EXOC6B: variants seen among roughly 807,000 people sequenced by gnomAD.
EXOC6B encodes exocyst complex component 6B, also known as SEC15 homolog B.
Under a neutral mutation model 113.5 loss-of-function variants are expected in EXOC6B, and 54 were observed. That is an observed-to-expected ratio of 0.48 (90% CI 0.38 to 0.60). The LOEUF is 0.60. Ranked by LOEUF, EXOC6B falls within the 20% of genes least tolerant of loss-of-function variation. EXOC6B has a pLI of 0.00. For missense variants in EXOC6B, 797 were observed against 977.5 expected, an observed-to-expected ratio of 0.82 and a Z score of 2.46; for synonymous variants, 357 against 339.0, an observed-to-expected ratio of 1.05 and a Z score of -0.58.
intron 7 of EXOC6B, among the ~76,000 whole-genome samples, chr2:72,559,948 A>G (rs1003950625): frequency 1.3e-5 from 2 of 152,244 alleles, no homozygotes; most frequent in African/African-American, 4.8e-5. Flanking sequence ...TTGCCACACA[A>G]TATGAATCAC....
intron 20 of EXOC6B, among the ~76,000 whole-genome samples, chr2:72,296,243 T>C (rs1019216565): frequency 2.0e-5 from 3 of 152,174 alleles, no homozygotes; most frequent in Non-Finnish European, 4.4e-5. Flanking sequence ...TGATATAGTA[T>C]GACCTCGCTG....
intron 7 of EXOC6B, among the ~76,000 whole-genome samples, chr2:72,573,635 A>G (rs1704644546): frequency 6.6e-6 from 1 of 152,196 alleles, no homozygotes; most frequent in Non-Finnish European, 1.5e-5. Context: ...AAGAGCTATT[A>G]AGAGTTCTTG....
chr2:72,662,283 T>C (rs967093823), intron 6 of EXOC6B, among the ~76,000 whole-genome samples: 1 of 152,198 alleles, frequency 6.6e-6, no homozygotes, highest in African/African-American at 2.4e-5. Flanking sequence ...AAAAAGTTCT[T>C]AGACATGACA....
chr2:72,704,237 T>C (rs2104654498), intron 6 of EXOC6B, among the ~76,000 whole-genome samples: 1 of 150,270 alleles, frequency 6.7e-6, no homozygotes, highest in Admixed American at 6.6e-5. Context: ...ACTGGGTACA[T>C]AACGAAATGA....
chr2:72,652,223 T>G (rs1185693782), intron 6 of EXOC6B, among the ~76,000 whole-genome samples: 3 of 150,542 alleles, frequency 2.0e-5, no homozygotes, highest in Non-Finnish European at 3.0e-5. Flanking sequence ...TTATACCTAA[T>G]AAACACAGTA....
At chr2:72,332,866 T>C (rs1688486905) in intron 20 of EXOC6B, among the ~76,000 whole-genome samples, 1 of 152,128 alleles carries the variant, frequency 6.6e-6, no homozygotes, top group Admixed American at 6.6e-5. Flanking sequence ...AAATAAGTTC[T>C]GAGAATGACT....
intron 17 of EXOC6B, among the ~76,000 whole-genome samples, chr2:72,472,762 T>G (rs1426693042): frequency 2.6e-5 from 4 of 152,126 alleles, no homozygotes; most frequent in Admixed American, 2.6e-4. Flanking sequence ...TTCCTTGAGG[T>G]ATATTGTTAG....
intron 20 of EXOC6B, among the ~76,000 whole-genome samples, chr2:72,190,107 T>C (rs1358283649): frequency 2.7e-5 from 4 of 147,836 alleles, no homozygotes; most frequent in Non-Finnish European, 6.0e-5. Flanking sequence ...CATAGCTCAC[T>C]GCAGCCTAGA....
chr2:72,823,459 G>GAAAAAAAAAAAACAAAA (rs1686694261), intron 1 of EXOC6B, among the ~76,000 whole-genome samples: 1 of 70,030 alleles, frequency 1.4e-5, no homozygotes, highest in African/African-American at 8.2e-5. Context: ...AAAGTTTTAA[G>GAAAAAAAAAAAACAAAA]AAAAAAAAAA....
At chr2:72,601,767 C>A (rs1461213302) in intron 6 of EXOC6B, among the ~76,000 whole-genome samples, 2 of 152,014 alleles carry the variant, frequency 1.3e-5, no homozygotes, top group Admixed American at 6.6e-5. Context: ...CTTAGAAGCA[C>A]CAAAGATGTC....
intron 6 of EXOC6B, among the ~76,000 whole-genome samples, chr2:72,690,717 T>C (rs1470957525): frequency 6.6e-6 from 1 of 152,198 alleles, no homozygotes; most frequent in Non-Finnish European, 1.5e-5. Flanking sequence ...TAAAGATTTC[T>C]GGGGTACTTG....
chr2:72,349,217 TATA>T lies in EXOC6B; in HGVS notation c.2123-14200_2123-14198del, dbSNP rs1190783351. On this transcript the variant is annotated intron_variant, in intron 19 of 21. Coordinates refer to ENST00000272427, the MANE Select transcript of EXOC6B (RefSeq NM_015189.3). ...TCGAATACACTCTTGAGGTCTGTGA[TATA>T]ATAAGGAATATATCTGGTCTTTGTC... is the stretch of plus-strand genomic sequence containing the variant. Among the ~76,000 whole-genome samples the T allele has an allele frequency of 6.6e-5, 10 of 152,322 alleles. No homozygotes were observed. In the East Asian group the frequency reaches 1.9e-3, roughly 29 times the overall value.
At chr2:72,220,464 G>A (rs902176013) in intron 20 of EXOC6B, among the ~76,000 whole-genome samples, 2 of 152,180 alleles carry the variant, frequency 1.3e-5, no homozygotes, top group African/African-American at 4.8e-5. Flanking sequence ...AAACCTTCCA[G>A]ATGGGCACTC....
chr2:72,262,423 A>G (rs1683787050), intron 20 of EXOC6B, among the ~76,000 whole-genome samples: 1 of 152,090 alleles, frequency 6.6e-6, no homozygotes, highest in South Asian at 2.1e-4. Context: ...AGGCAATAGT[A>G]TCCCTGATAT....
At chr2:72,638,862 A>G (rs1014442009) in intron 6 of EXOC6B, among the ~76,000 whole-genome samples, 1 of 152,156 alleles carries the variant, frequency 6.6e-6, no homozygotes, top group Non-Finnish European at 1.5e-5. Flanking sequence ...TGAACTCTGC[A>G]GGGTTGTCTT....
chr2:72,718,373 C>A, intron 5 of EXOC6B, 66 bp from the exon 6 acceptor site: 1 of 1,397,778 alleles, frequency 7.2e-7, no homozygotes, highest in Non-Finnish European at 9.9e-7. Context: ...AATGTCTAGC[C>A]TGAATTGGTT....
intron 1 of EXOC6B, among the ~76,000 whole-genome samples, chr2:72,758,463 C>A (rs1363437526): frequency 6.6e-6 from 1 of 152,044 alleles, no homozygotes; most frequent in South Asian, 2.1e-4. Context: ...CTACAAACAT[C>A]ATAAAGCTAT....
At chr2:72,304,029 T>C (rs1297158648) in intron 20 of EXOC6B, among the ~76,000 whole-genome samples, 1 of 152,200 alleles carries the variant, frequency 6.6e-6, no homozygotes, top group South Asian at 2.1e-4. Flanking sequence ...GCAGAGCTGC[T>C]TCCCTGGGTG....
chr2:72,274,911 G>A (rs755779999), intron 20 of EXOC6B, among the ~76,000 whole-genome samples: 7 of 152,168 alleles, frequency 4.6e-5, no homozygotes, highest in South Asian at 4.2e-4. Context: ...TAACTTTACC[G>A]TGGAATGATA....
Sources: gnomAD v4.1 joint callset for allele counts (sites outside exome capture counted in the v4.1 genomes callset) on GRCh38, gnomAD v4.1.1 for gene constraint, MANE v1.5 for transcripts, NCBI Gene and HGNC (gene_info 2026-07-23, HGNC 2026-07-21) for gene names.